The following LAMP5 variants were observed in gnomAD, a reference collection of about 807,000 sequenced individuals.
The protein encoded by LAMP5 is lysosome associated membrane protein 5, also known as lysosome-associated membrane glycoprotein 5.
In LAMP5, 36 loss-of-function variants were observed where a neutral mutation model predicts 30.2. That is an observed-to-expected ratio of 1.19 (90% CI 0.91 to 1.57). The LOEUF is 1.57. Among genes scored for constraint, LAMP5 ranks in the 40% most tolerant of loss-of-function variants. LAMP5 has a pLI of 0.00. For synonymous variants in LAMP5, 149 were observed against 134.6 expected (o/e 1.11, Z -0.74); for missense variants, 377 against 354.9 (o/e 1.06, Z -0.50).
rs1172305579 is a variant in LAMP5 at position 9,529,689 on chromosome 20, C to T, written c.712C>T (p.Pro238Ser). ...GCGGGAGCAACTGGAAGAAACCTTG[C>T]CCCTGATTTTGGGGCTCATCTTGGG... ...DEREQLEETL[P>S]LILGLILGLV... The change falls in exon 6 of 6, where the codon CCC becomes TCC. Residue 238 changes from proline (P) to serine (S), a missense_variant. Physicochemically the swap from Pro to Ser is moderately conservative, Grantham distance 74. Coordinates refer to ENST00000246070, the MANE Select transcript of LAMP5 (RefSeq NM_012261.4). The T allele has an allele frequency of 6.2e-7, 1 of 1,614,166 alleles. No homozygotes were observed. Among genetic ancestry groups the T allele is most frequent in the Non-Finnish European group, 8.5e-7 (1 of 1,180,030 alleles).
intron 5 of LAMP5, among the ~76,000 whole-genome samples, chr20:9,519,452 A>C (rs1008216059): frequency 2.6e-5 from 4 of 152,224 alleles, no homozygotes; most frequent in African/African-American, 9.6e-5. Context: ...AGAAGTCCTA[A>C]GATAAATTGT....
intron 5 of LAMP5, among the ~76,000 whole-genome samples, chr20:9,522,609 C>T (rs1001411597): frequency 6.6e-6 from 1 of 152,336 alleles, no homozygotes; most frequent in Non-Finnish European, 1.5e-5. Flanking sequence ...CGGATACTGT[C>T]CTCTGGAGAG....
Position 9,514,652 on chromosome 20 carries a change from A to C in LAMP5, c.-201A>C. ...CGGTCCTTTCCTCCGCAGTGAGCCG[A>C]TTTGCTCTGCCAGCAGCTGTCGGTG... On this transcript the variant is annotated 5_prime_UTR_variant, in exon 1 of 6. Coordinates refer to ENST00000246070, the MANE Select transcript of LAMP5 (RefSeq NM_012261.4). The C allele has an allele frequency of 6.7e-5, 32 of 480,206 alleles. No homozygotes were observed. Among genetic ancestry groups the C allele is most frequent in the Non-Finnish European group, 6.1e-5 (16 of 263,828 alleles). 29.7% of individuals were successfully genotyped at this position (480,206 alleles called of 1,614,324 possible).
rs2045079521 is a variant in LAMP5, at chr20:9,521,483, C to T, written c.664+3255C>T. Among the ~76,000 whole-genome samples the T allele has an allele frequency of 1.3e-5, 2 of 152,210 alleles. 1 individual carries two copies. Among genetic ancestry groups the T allele is most frequent in the Admixed American group, 1.3e-4 (2 of 15,284 alleles). ...TGGTGCCAACAGGCTTTTGAGCTAACAGTCTCAGCCTGCAGTGAAGAAATA... is the reference window on the plus strand; with the variant it reads ...TGGTGCCAACAGGCTTTTGAGCTAATAGTCTCAGCCTGCAGTGAAGAAATA... On this transcript the variant is annotated intron_variant, in intron 5 of 5. Transcript: ENST00000246070.
At chr20:9,527,283 C>T (rs1479597214) in intron 5 of LAMP5, among the ~76,000 whole-genome samples, 3 of 152,030 alleles carry the variant, frequency 2.0e-5, no homozygotes, top group South Asian at 2.1e-4. Flanking sequence ...CACTTATTAT[C>T]GTTATGACTT....
chr20:9,528,034 AAAGTTACAGAATCAACCT>A (rs2045125607), intron 5 of LAMP5, among the ~76,000 whole-genome samples: 1 of 152,230 alleles, frequency 6.6e-6, no homozygotes, highest in Non-Finnish European at 1.5e-5. Context: ...TCACAATAGC[AAAGTTACAGAATCAACCT>A]AAGTGTCCAT....
rs993821289 is a variant in LAMP5 at position 9,514,795 on chromosome 20, T to A, written c.-58T>A. The stretch of plus-strand genomic sequence containing the variant: ...CCACTCCAGCGGCGACTTTGAGGGA[T>A]TCCCTCTCTGGCGGCCTCTGCAGCA... On this transcript the variant is annotated 5_prime_UTR_variant, in exon 1 of 6. Transcript: ENST00000246070. 1.9e-6 allele frequency: 3 copies of A among 1,549,274 alleles called. No individual in the cohort carries two copies. Among genetic ancestry groups the A allele is most frequent in the Non-Finnish European group, 2.7e-6 (3 of 1,123,382 alleles).
At position 9,515,536 on chromosome 20, in the gene LAMP5, G is replaced by C. The variant is rs1327688705; in HGVS notation, c.148G>C (p.Val50Leu). The change falls in exon 2 of 6, where the codon GTG (valine) becomes CTG (leucine). Residue 50 changes from valine to leucine, a missense_variant. Coordinates refer to ENST00000246070, the MANE Select transcript of LAMP5 (RefSeq NM_012261.4). ...STNPEKDIFV[V>L]RENGTTCLMA... The stretch of plus-strand genomic sequence containing the variant: ...TAACCCTGAAAAAGATATATTTGTG[G>C]TGCGGGAAAATGGGACGACGTGTCT... The C allele has an allele frequency of 5.0e-6, 8 of 1,614,056 alleles. No homozygotes were observed. The highest frequency in any genetic ancestry group is 2.7e-5 in the African/African-American group (2 of 74,918).
chr20:9,522,788 A>G (rs2045087428), intron 5 of LAMP5, among the ~76,000 whole-genome samples: 1 of 152,156 alleles, frequency 6.6e-6, no homozygotes, highest in African/African-American at 2.4e-5. Flanking sequence ...GTGAATGCCA[A>G]AAGAAGAATG....
chr20:9,528,321 T>TGTGC (rs1555892014), intron 5 of LAMP5, among the ~76,000 whole-genome samples: 2,787 of 151,218 alleles, frequency 0.018, 56 homozygotes, highest in African/African-American at 0.054. Flanking sequence ...TGTGTGTGTG[T>TGTGC]GCGTGTGTGT....
At chr20:9,520,494 G>T (rs982454428) in intron 5 of LAMP5, among the ~76,000 whole-genome samples, 1 of 152,160 alleles carries the variant, frequency 6.6e-6, no homozygotes, top group African/African-American at 2.4e-5. Context: ...TTCGGTGTGT[G>T]CATGTGAGTG....
intron 5 of LAMP5, among the ~76,000 whole-genome samples, chr20:9,521,824 C>A (rs1478429118): frequency 6.6e-6 from 1 of 152,080 alleles, no homozygotes; most frequent in African/African-American, 2.4e-5. Flanking sequence ...TGTATTATGT[C>A]AGAAAAAATA....
chr20:9,515,384 C>T, intron 1 of LAMP5, 69 bp from the exon 2 acceptor site: 3 of 1,484,990 alleles, frequency 2.0e-6, no homozygotes, highest in Non-Finnish European at 2.8e-6. Flanking sequence ...AGCACTGTCT[C>T]CCCACCCTAG....
At chr20:9,525,818 A>C (rs970971479) in intron 5 of LAMP5, among the ~76,000 whole-genome samples, 2 of 152,228 alleles carry the variant, frequency 1.3e-5, no homozygotes, top group East Asian at 3.9e-4. Context: ...GCCACACAGA[A>C]CACCACCTGT....
In LAMP5 at chr20:9,516,092, G is replaced by T; in HGVS notation, c.330G>T (p.Trp110Cys). 6.4e-7 allele frequency: 1 copy of T among 1,552,544 alleles called. No homozygotes were observed. The highest frequency in any genetic ancestry group is 1.3e-5 in the South Asian group (1 of 79,254). The change falls in exon 3 of 6, where the codon TGG becomes TGT. Residue 110 changes from tryptophan (W) to cysteine (C), a missense_variant. Physicochemically the swap from Trp to Cys is radical, Grantham distance 215. Transcript: ENST00000246070. ...GHSQSELQVF[W>C]VDRAYALKML... ...GCCAGTCGGAGCTGCAAGTGTTCTG[G>T]GTGGATCGCGCATATGCACTCAAAA...
intron 5 of LAMP5, among the ~76,000 whole-genome samples, chr20:9,527,452 A>G (rs1336257792): frequency 1.3e-5 from 2 of 152,172 alleles, no homozygotes; most frequent in Admixed American, 1.3e-4. Context: ...GTCTCCACTA[A>G]TTGTTATTAT....
At position 9,518,090 on chromosome 20, in the gene LAMP5, G is replaced by A. The variant is rs140401099; in HGVS notation, c.526G>A (p.Ala176Thr). The A allele has an allele frequency of 3.8e-5, 61 of 1,614,004 alleles. No homozygotes were observed. Among genetic ancestry groups the A allele is most frequent in the Non-Finnish European group, 4.8e-5 (57 of 1,180,026 alleles). ...SHHLSALVTP[A>T]GKSYECQAQQ... ...CCACCTCTCTGCCTTGGTCACCCCC[G>A]CTGGGAAGTCCTATGAGTGTCAAGC... The change falls in exon 5 of 6, where the codon GCT becomes ACT. Residue 176 changes from alanine to threonine, a missense_variant. Ala to Thr is a moderately conservative substitution (Grantham distance 58). Coordinates refer to ENST00000246070, the MANE Select transcript of LAMP5 (RefSeq NM_012261.4).
chr20:9,516,701 CA>C (rs1269875592), intron 4 of LAMP5, among the ~76,000 whole-genome samples: 8 of 152,142 alleles, frequency 5.3e-5, no homozygotes, highest in Non-Finnish European at 8.8e-5. Flanking sequence ...GGCAAAGCTG[CA>C]TTTTAATTTT....
intron 5 of LAMP5, among the ~76,000 whole-genome samples, chr20:9,521,998 A>G (rs1346475784): frequency 6.6e-6 from 1 of 152,140 alleles, no homozygotes; most frequent in Non-Finnish European, 1.5e-5. Flanking sequence ...AACTGCAGAA[A>G]GATACTGAGA....
Sources: gnomAD v4.1 joint callset for allele counts (sites outside exome capture counted in the v4.1 genomes callset) on GRCh38, gnomAD v4.1.1 for gene constraint, MANE v1.5 for transcripts, NCBI Gene and HGNC (gene_info 2026-07-23, HGNC 2026-07-21) for gene names.